CADPS: variants seen among roughly 807,000 people sequenced by gnomAD.
CADPS encodes the protein calcium-dependent secretion activator 1.
In CADPS, 57 loss-of-function variants were observed where a neutral mutation model predicts 167.3. The ratio of observed to expected loss-of-function variants is 0.34; its 90% CI spans 0.28 to 0.42. The LOEUF is 0.42. CADPS is among the 20% of genes least tolerant of loss of function. CADPS has a pLI of 1.00. For missense variants in CADPS, 1,414 were observed against 1,738.1 expected, an observed-to-expected ratio of 0.81 and a Z score of 3.32; for synonymous variants, 676 against 635.3, an observed-to-expected ratio of 1.06 and a Z score of -0.96.
intron 11 of CADPS, among the ~76,000 whole-genome samples, chr3:62,539,841 G>A (rs890614342): frequency 5.9e-5 from 9 of 152,172 alleles, no homozygotes; most frequent in African/African-American, 9.6e-5. Context: ...AAGTGGTTAA[G>A]TGGCTGGGCA....
At chr3:62,593,731 T>A (rs1007880257) in intron 6 of CADPS, among the ~76,000 whole-genome samples, 1 of 152,240 alleles carries the variant, frequency 6.6e-6, no homozygotes, top group African/African-American at 2.4e-5. Context: ...CTATGTCTTT[T>A]GGGGCTCAGC....
chr3:62,823,227 C>T (rs2073354437), intron 1 of CADPS, among the ~76,000 whole-genome samples: 1 of 152,136 alleles, frequency 6.6e-6, no homozygotes, highest in East Asian at 1.9e-4. Context: ...ACTTGTGCTG[C>T]TAAGATTAAA....
chr3:62,474,489 C>T (rs1054394630), intron 23 of CADPS, among the ~76,000 whole-genome samples, 169 bp from the exon 24 acceptor site: 5 of 152,116 alleles, frequency 3.3e-5, no homozygotes, highest in African/African-American at 1.2e-4. Flanking sequence ...CTAAGGAAGG[C>T]CTATTCACGG....
intron 11 of CADPS, among the ~76,000 whole-genome samples, chr3:62,547,589 C>T (rs918200600): frequency 5.8e-5 from 5 of 86,122 alleles, no homozygotes; most frequent in Admixed American, 5.3e-4. Flanking sequence ...CATTTACGCC[C>T]CCCCCCCCCC....
chr3:62,801,186 T>A (rs1442523720), intron 1 of CADPS, among the ~76,000 whole-genome samples: 1 of 152,184 alleles, frequency 6.6e-6, no homozygotes, highest in Non-Finnish European at 1.5e-5. Context: ...TAGTGAAATA[T>A]GTGCTTATAA....
chr3:62,626,424 T>C (rs775365337), intron 6 of CADPS: 41 of 689,250 alleles, frequency 5.9e-5, no homozygotes, highest in Middle Eastern at 2.3e-4. Context: ...ATACACAGAC[T>C]ATAGTGAAAT....
At chr3:62,646,391 C>T (rs529019421) in intron 5 of CADPS, among the ~76,000 whole-genome samples, 23 of 151,762 alleles carry the variant, frequency 1.5e-4, no homozygotes, top group East Asian at 1.4e-3. Context: ...AGACTGGTCT[C>T]GAACTCCTGA....
chr3:62,559,502 T>TA (rs1347138933), intron 9 of CADPS, among the ~76,000 whole-genome samples: 2 of 152,122 alleles, frequency 1.3e-5, no homozygotes, highest in African/African-American at 2.4e-5. Context: ...TGGGGAATTT[T>TA]TTTTTTTTTT....
rs145233639 is a variant in CADPS at position 62,548,347 on chromosome 3, G to A, written c.1966+1556C>T. On this transcript the variant is annotated intron_variant, in intron 11 of 29. Transcript: ENST00000383710. Reference sequence around the variant, plus strand: ...AGATGTTAGAGAATACAAGAGTGGAGAACTTGGTGGTAGGTGTGGGCAATC... The same window carrying A: ...AGATGTTAGAGAATACAAGAGTGGAAAACTTGGTGGTAGGTGTGGGCAATC... Among the ~76,000 whole-genome samples the A allele has an allele frequency of 8.6e-3, 1,315 of 152,084 alleles. 18 individuals carry two copies. Among genetic ancestry groups the A allele is most frequent in the Middle Eastern group, 0.014 (4 of 294 alleles).
intron 9 of CADPS, among the ~76,000 whole-genome samples, chr3:62,570,148 G>T (rs1286801750): frequency 6.6e-6 from 1 of 151,590 alleles, no homozygotes. Flanking sequence ...GAGAGCCAGA[G>T]CTATATATGT....
intron 3 of CADPS, among the ~76,000 whole-genome samples, chr3:62,719,703 A>G (rs2075363741): frequency 6.6e-6 from 1 of 152,206 alleles, no homozygotes; most frequent in African/African-American, 2.4e-5. Flanking sequence ...AAATGTAGCC[A>G]TTGCCTAAGG....
At chr3:62,629,716 G>A (rs760214202) in intron 6 of CADPS, among the ~76,000 whole-genome samples, 5 of 151,140 alleles carry the variant, frequency 3.3e-5, no homozygotes, top group Non-Finnish European at 7.4e-5. Flanking sequence ...CCTTGCCTAT[G>A]TCTCTTTTTA....
intron 1 of CADPS, among the ~76,000 whole-genome samples, chr3:62,820,934 G>A (rs536104090): frequency 3.9e-4 from 59 of 152,004 alleles, no homozygotes; most frequent in Non-Finnish European, 7.5e-4. Flanking sequence ...CTGAGTAGCT[G>A]GGACTACAGG....
intron 17 of CADPS, among the ~76,000 whole-genome samples, chr3:62,511,744 T>C (rs1283725461): frequency 3.3e-5 from 5 of 152,092 alleles, no homozygotes; most frequent in Admixed American, 2.6e-4. Context: ...ACTCTACCAA[T>C]AGGCCTTGCA....
chr3:62,479,871 C>G (rs2061771207), intron 22 of CADPS, among the ~76,000 whole-genome samples: 1 of 152,196 alleles, frequency 6.6e-6, no homozygotes, highest in African/African-American at 2.4e-5. Context: ...GAAAGTTCAG[C>G]CTTCCCCCTG....
chr3:62,584,078 C>T (rs1022674845), intron 8 of CADPS, among the ~76,000 whole-genome samples: 14 of 149,864 alleles, frequency 9.3e-5, no homozygotes, highest in Admixed American at 6.7e-4. Context: ...AATCTTGGCT[C>T]ACAGCAACCT....
chr3:62,814,543 TC>T (rs1347067700), intron 1 of CADPS: 1 of 152,184 alleles, frequency 6.6e-6, no homozygotes, highest in Non-Finnish European at 1.5e-5. Context: ...TATAATCTCT[TC>T]TAAATCTGTG....
At chr3:62,532,141 A>G (rs1274427875) in intron 13 of CADPS, among the ~76,000 whole-genome samples, 1 of 152,224 alleles carries the variant, frequency 6.6e-6, no homozygotes. Context: ...ACATTTGTAC[A>G]TGCTGTTCCT....
intron 6 of CADPS, among the ~76,000 whole-genome samples, chr3:62,617,435 T>C (rs1578901191): frequency 6.6e-6 from 1 of 152,298 alleles, no homozygotes; most frequent in South Asian, 2.1e-4. Flanking sequence ...TATTTTCCTT[T>C]TGCTTTCAAG....
Sources: gnomAD v4.1 joint callset for allele counts (sites outside exome capture counted in the v4.1 genomes callset) on GRCh38, gnomAD v4.1.1 for gene constraint, MANE v1.5 for transcripts, NCBI Gene and HGNC (gene_info 2026-07-23, HGNC 2026-07-21) for gene names.